FKBP6: variants seen among roughly 807,000 people sequenced by gnomAD.
FKBP6 encodes the protein inactive peptidyl-prolyl cis-trans isomerase FKBP6.
FKBP6 carries 29 observed loss-of-function variants against 41.7 expected under a neutral mutation model. The observed-to-expected ratio is 0.70, with a 90% CI of 0.52 to 0.95. The LOEUF (loss-of-function observed/expected upper bound fraction) is 0.95, where lower values mean the gene tolerates loss of function less well. Among genes scored for constraint, FKBP6 ranks in the 40% least tolerant of loss-of-function variants. The pLI is 0.00. For synonymous variants in FKBP6, 130 were observed against 165.1 expected (o/e 0.79, Z 1.63); for missense variants, 338 against 408.7 (o/e 0.83, Z 1.49).
chr7:73,348,298 T>C (rs1340042781), intron 8 of FKBP6, among the ~76,000 whole-genome samples: 7 of 151,856 alleles, frequency 4.6e-5, no homozygotes, highest in African/African-American at 7.3e-5. Flanking sequence ...GCCACACCTT[T>C]CCCCCCCTTC....
chr7:73,358,450 G>A lies in FKBP6; in HGVS notation c.*272G>A, dbSNP rs1267831148. 6.6e-6 allele frequency: 1 copy of A among 152,574 alleles called. No homozygotes were observed. The highest frequency in any genetic ancestry group is 1.5e-5 in the Non-Finnish European group (1 of 68,022). 9.5% of individuals were successfully genotyped at this position (152,574 alleles called of 1,614,324 possible). A position where few individuals can be genotyped will look rare whatever the true frequency, so the allele number is the denominator to read the frequency against. On this transcript the variant is annotated 3_prime_UTR_variant, in exon 9 of 9. Transcript: ENST00000252037. ...AAGGCAGTTTCTTGTTTTTTTAGAC[G>A]GAATTAGTCCTTGGCTTCCCTCCCA...
Position 73,341,310 on chromosome 7 carries a change from A to AT in FKBP6, c.825dup (p.Leu276SerfsTer13), listed in dbSNP as rs782473496. 1 of 1,613,550 alleles carries AT rather than the reference A, an allele frequency of 6.2e-7. No homozygotes were observed. Among genetic ancestry groups the AT allele is most frequent in the East Asian group, 2.2e-5 (1 of 44,874 alleles). On this transcript the variant is annotated frameshift_variant, in exon 7 of 9. Coordinates refer to ENST00000252037, the MANE Select transcript of FKBP6 (RefSeq NM_003602.5). LOFTEE classifies it high-confidence loss of function. The stretch of plus-strand genomic sequence containing the variant: ...CTGACTGAGTATCAAAAGGCCCGGG[A>AT]TTTTCTAGTTCGAGCCCAGAAGGAG...
chr7:73,336,348 CAT>C (rs1384779928), intron 5 of FKBP6, among the ~76,000 whole-genome samples: 1 of 152,102 alleles, frequency 6.6e-6, no homozygotes, highest in Non-Finnish European at 1.5e-5. Flanking sequence ...TAGTCAGAAA[CAT>C]AGGTTACATC....
intron 8 of FKBP6, among the ~76,000 whole-genome samples, chr7:73,350,598 C>T (rs1239533213): frequency 7.9e-5 from 12 of 152,090 alleles, no homozygotes; most frequent in Non-Finnish European, 2.9e-5. Flanking sequence ...GTATTGAGCC[C>T]TGCTACTTGG....
chr7:73,336,386 G>A (rs1021218574), intron 5 of FKBP6, among the ~76,000 whole-genome samples: 1 of 152,172 alleles, frequency 6.6e-6, no homozygotes, highest in African/African-American at 2.4e-5. Context: ...GATAGGAGGC[G>A]GCCAGATTCA....
At chr7:73,344,860 C>T (rs940512398) in intron 8 of FKBP6, among the ~76,000 whole-genome samples, 2 of 152,214 alleles carry the variant, frequency 1.3e-5, no homozygotes, top group Non-Finnish European at 2.9e-5. Flanking sequence ...GCTGGGATTA[C>T]AGGCCTGAGC....
intron 8 of FKBP6, 83 bp downstream of exon 8, chr7:73,342,982 G>T: frequency 1.1e-6 from 1 of 942,360 alleles, no homozygotes. Flanking sequence ...AATGGTGGCT[G>T]TCTGCAGCTG....
chr7:73,342,229 T>C (rs782796809), intron 7 of FKBP6, among the ~76,000 whole-genome samples: 1 of 152,216 alleles, frequency 6.6e-6, no homozygotes, highest in Non-Finnish European at 1.5e-5. Context: ...TACCTATAAA[T>C]AGGAGTCCCC....
Position 73,328,326 on chromosome 7 carries a change from C to T in FKBP6, c.-103C>T, listed in dbSNP as rs1385791970. On this transcript the variant is annotated 5_prime_UTR_variant, in exon 1 of 9. Coordinates refer to ENST00000252037, the MANE Select transcript of FKBP6 (RefSeq NM_003602.5). Reference sequence around the variant, plus strand: ...GAATGCCGCCGTCGGTAGGGGTCTGCCGGGCATAAAGGGGCCTTCGGAACC... The same window carrying T: ...GAATGCCGCCGTCGGTAGGGGTCTGTCGGGCATAAAGGGGCCTTCGGAACC... 5 of 1,549,798 alleles carry T rather than the reference C, an allele frequency of 3.2e-6. No homozygotes were observed. In the East Asian group the frequency reaches 9.8e-5, roughly 30 times the overall value.
At chr7:73,329,699 A>G in intron 3 of FKBP6, 2 of 583,852 alleles carry the variant, frequency 3.4e-6, no homozygotes, top group Non-Finnish European at 6.1e-6. Flanking sequence ...TTCATTTATT[A>G]AGTAAAACTC....
At chr7:73,340,509 A>T in intron 5 of FKBP6, 129 bp from the exon 6 acceptor site, 1 of 735,958 alleles carries the variant, frequency 1.4e-6, no homozygotes, top group Non-Finnish European at 2.4e-6. Flanking sequence ...CTGACTTCTT[A>T]TGTTGATCTT....
At chr7:73,338,635 C>T (rs528340148) in intron 5 of FKBP6, among the ~76,000 whole-genome samples, 12 of 152,316 alleles carry the variant, frequency 7.9e-5, no homozygotes, top group Admixed American at 2.0e-4. Context: ...TCTTCACCAA[C>T]ACTTATTTTA....
chr7:73,328,791 T>C, intron 2 of FKBP6, 99 bp downstream of exon 2: 4 of 1,602,474 alleles, frequency 2.5e-6, no homozygotes, highest in Non-Finnish European at 3.4e-6. Context: ...GGGTTGGAAA[T>C]GCTTTGTTTG....
chr7:73,338,964 TAC>T (rs1805089423), intron 5 of FKBP6: 1 of 152,246 alleles, frequency 6.6e-6, no homozygotes, highest in Non-Finnish European at 1.5e-5. Context: ...ACAAAAGTTT[TAC>T]ATTTTGATGA....
At chr7:73,349,931 G>A (rs1805443565) in intron 8 of FKBP6, among the ~76,000 whole-genome samples, 1 of 152,006 alleles carries the variant, frequency 6.6e-6, no homozygotes, top group Admixed American at 6.6e-5. Flanking sequence ...TTGGTTCCCT[G>A]GCAACCAGCC....
At chr7:73,330,048 A>T in intron 3 of FKBP6, 102 bp from the exon 4 acceptor site, 1 of 806,862 alleles carries the variant, frequency 1.2e-6, no homozygotes, top group Non-Finnish European at 2.2e-6. Flanking sequence ...TGTGAGGGAG[A>T]CATGGAGGCC....
At position 73,335,379 on chromosome 7, in the gene FKBP6, C is replaced by T. The variant is rs187096838; in HGVS notation, c.588+3603C>T. Reference sequence around the variant, plus strand: ...GGTGTTTCCTCAGGGTCCATTGAGTCCTCCTCTTTCTGCCCCGTGTGTGTG... The same window carrying T: ...GGTGTTTCCTCAGGGTCCATTGAGTTCTCCTCTTTCTGCCCCGTGTGTGTG... On this transcript the variant is annotated intron_variant, in intron 5 of 8. Coordinates refer to ENST00000252037, the MANE Select transcript of FKBP6 (RefSeq NM_003602.5). Among the ~76,000 whole-genome samples the T allele has an allele frequency of 8.5e-5, 13 of 152,316 alleles. No homozygotes were observed. The East Asian group carries it at 2.5e-3, about 29-fold the overall frequency.
At chr7:73,332,553 G>T (rs1313733255) in intron 5 of FKBP6, among the ~76,000 whole-genome samples, 1 of 151,924 alleles carries the variant, frequency 6.6e-6, no homozygotes, top group Non-Finnish European at 1.5e-5. Context: ...CTAACGGGGG[G>T]ATAAGGGCTG....
chr7:73,331,548 A>G, intron 4 of FKBP6, 109 bp from the exon 5 acceptor site: 2 of 1,035,054 alleles, frequency 1.9e-6, no homozygotes, highest in Non-Finnish European at 3.0e-6. Context: ...TGTTCTCACT[A>G]TGTTGCCCAG....
Sources: gnomAD v4.1 joint callset for allele counts (sites outside exome capture counted in the v4.1 genomes callset) on GRCh38, gnomAD v4.1.1 for gene constraint, MANE v1.5 for transcripts, NCBI Gene and HGNC (gene_info 2026-07-23, HGNC 2026-07-21) for gene names.